Variants in CEP120 observed in about 807,000 individuals in gnomAD.
The protein encoded by CEP120 is centrosomal protein of 120 kDa.
Under a neutral mutation model 126.5 loss-of-function variants are expected in CEP120, and 113 were observed. The ratio of observed to expected loss-of-function variants is 0.89; its 90% CI spans 0.77 to 1.04. The LOEUF (loss-of-function observed/expected upper bound fraction) is 1.04, where lower values mean the gene tolerates loss of function less well. Among genes scored for constraint, CEP120 ranks in the 50% least tolerant of loss-of-function variants. The pLI is 0.00. For synonymous variants in CEP120, 400 were observed against 394.3 expected (o/e 1.01, Z -0.17); for missense variants, 1,230 against 1,155.7 (o/e 1.06, Z -0.93).
chr5:123,379,767 C>T (rs1214753275), intron 14 of CEP120, among the ~76,000 whole-genome samples: 1 of 152,082 alleles, frequency 6.6e-6, no homozygotes, highest in Non-Finnish European at 1.5e-5. Flanking sequence ...CAACATCAAA[C>T]TACATATAAT....
chr5:123,346,330 T>TA lies in CEP120; in HGVS notation c.*188dup, dbSNP rs1768812564. ...TGAGTATATAAATGCAAATTACAAA[T>TA]AAAACCAGTGTGGGAGAGGTAGCAT... On this transcript the variant is annotated 3_prime_UTR_variant, in exon 20 of 20. Transcript: ENST00000306467. 6.6e-6 allele frequency: 3 copies of TA among 456,780 alleles called. No individual in the cohort carries two copies. The highest frequency in any genetic ancestry group is 1.1e-5 in the Non-Finnish European group (3 of 261,360). The allele number at this position is 456,780 out of a possible 1,614,324, so 28.3% of individuals were successfully genotyped here.
chr5:123,364,848 T>A (rs1024896290), intron 17 of CEP120, among the ~76,000 whole-genome samples: 1 of 151,646 alleles, frequency 6.6e-6, no homozygotes, highest in Non-Finnish European at 1.5e-5. Context: ...CTCCAGACAG[T>A]TACTATAAAT....
chr5:123,345,796 G>T lies in CEP120; in HGVS notation c.*723C>A, dbSNP rs1262107834. The stretch of plus-strand genomic sequence containing the variant: ...TATTACTATAACTGGAAAATAAAAA[G>T]AAATCTCTAATTTTAACAAAAGAAA... On this transcript the variant is annotated 3_prime_UTR_variant, in exon 20 of 20. Transcript: ENST00000306467. The T allele has an allele frequency of 6.6e-6, 1 of 152,026 alleles. No homozygotes were observed. The highest frequency in any genetic ancestry group is 1.5e-5 in the Non-Finnish European group (1 of 67,990). 9.4% of individuals were successfully genotyped at this position (152,026 alleles called of 1,614,324 possible).
At chr5:123,370,762 T>C (rs112580484) in intron 17 of CEP120, among the ~76,000 whole-genome samples, 1 of 147,960 alleles carries the variant, frequency 6.8e-6, no homozygotes, top group Non-Finnish European at 1.5e-5. Context: ...ATATATTTTA[T>C]ATATATATTA....
At chr5:123,369,952 C>T (rs1205598903) in intron 17 of CEP120, among the ~76,000 whole-genome samples, 5 of 151,984 alleles carry the variant, frequency 3.3e-5, no homozygotes, top group Non-Finnish European at 1.5e-5. Context: ...TTAGCAGCAA[C>T]TTAACATCTC....
At position 123,382,751 on chromosome 5, in the gene CEP120, T is replaced by C. The variant is rs994943114; in HGVS notation, c.1999A>G (p.Ile667Val). 3.7e-6 allele frequency: 6 copies of C among 1,611,904 alleles called. No homozygotes were observed. The South Asian group carries it at 5.5e-5, about 15-fold the overall frequency. ...LEMWKEMQED[I>V]FENQLKQKEL... Reference sequence around the variant, plus strand: ...TAAAAAGTAACCTGATTTTCAAATATATCTTCTTGCATCTCCTTCCACATT... The same window carrying C: ...TAAAAAGTAACCTGATTTTCAAATACATCTTCTTGCATCTCCTTCCACATT... Residue 667 changes from isoleucine to valine, a missense_variant, in exon 13 of 20, where the codon ATA (isoleucine) becomes GTA (valine). Physicochemically the swap from Ile to Val is conservative, Grantham distance 29. Transcript: ENST00000306467.
At chr5:123,373,038 C>G (rs1770958362) in intron 16 of CEP120, among the ~76,000 whole-genome samples, 1 of 152,044 alleles carries the variant, frequency 6.6e-6, no homozygotes, top group Non-Finnish European at 1.5e-5. Flanking sequence ...ACTCAAATGT[C>G]AAATGTAAAA....
chr5:123,362,384 C>A (rs920159608), intron 18 of CEP120, among the ~76,000 whole-genome samples: 1 of 151,642 alleles, frequency 6.6e-6, no homozygotes, highest in Admixed American at 6.6e-5. Flanking sequence ...AGGGAAAGAG[C>A]CTGAGGCTGG....
chr5:123,382,678 A>C, intron 13 of CEP120, 59 bp downstream of exon 13: 1 of 1,492,954 alleles, frequency 6.7e-7, no homozygotes, highest in South Asian at 1.3e-5. Context: ...TGCTACGGAG[A>C]AGGAAAAATA....
chr5:123,422,891 C>T (rs1188045745), intron 1 of CEP120, 59 bp downstream of exon 1: 5 of 1,494,854 alleles, frequency 3.3e-6, no homozygotes, highest in Admixed American at 1.7e-5. Context: ...CTCGGTCCCA[C>T]ACTAAGCTTT....
chr5:123,415,582 C>T (rs1291084781), intron 3 of CEP120, among the ~76,000 whole-genome samples: 1 of 152,162 alleles, frequency 6.6e-6, no homozygotes, highest in African/African-American at 2.4e-5. Flanking sequence ...AACATAAGAA[C>T]TGCCATATTG....
chr5:123,347,793 T>C lies in CEP120; in HGVS notation c.2727-1040A>G, dbSNP rs575228424. On this transcript the variant is annotated intron_variant, in intron 19 of 19. Transcript: ENST00000306467. ...CTCGAGTAGCTGGGACTATAGGCCA[T>C]GCCACCACACCCGGCTAAATTTTGT... Among the ~76,000 whole-genome samples, 379 of 152,206 alleles carry C rather than the reference T, an allele frequency of 2.5e-3. 4 individuals carry two copies. The highest frequency in any genetic ancestry group is 8.7e-3 in the African/African-American group (362 of 41,560).
chr5:123,415,246 AGC>A (rs1385948888), intron 3 of CEP120, among the ~76,000 whole-genome samples: 27 of 152,184 alleles, frequency 1.8e-4, no homozygotes. Flanking sequence ...AGCAGTGAAA[AGC>A]AGAATAGCAG....
chr5:123,364,458 G>A, intron 18 of CEP120, 38 bp downstream of exon 18: 1 of 1,391,124 alleles, frequency 7.2e-7, no homozygotes, highest in Non-Finnish European at 1.0e-6. Context: ...AGAAACAAGG[G>A]AAAAAGATAT....
chr5:123,386,695 A>C, intron 9 of CEP120, 28 bp from the exon 10 acceptor site: 1 of 1,400,826 alleles, frequency 7.1e-7, no homozygotes, highest in Non-Finnish European at 9.4e-7. Context: ...AAAAAAAAAA[A>C]AAAGCCTTAA....
At chr5:123,348,293 C>A (rs2126961362) in intron 19 of CEP120, among the ~76,000 whole-genome samples, 1 of 152,298 alleles carries the variant, frequency 6.6e-6, no homozygotes, top group South Asian at 2.1e-4. Flanking sequence ...ATATGATCTA[C>A]AAATTTGATA....
intron 3 of CEP120, among the ~76,000 whole-genome samples, chr5:123,415,145 G>A (rs1327194458): frequency 1.3e-5 from 2 of 152,216 alleles, no homozygotes; most frequent in African/African-American, 2.4e-5. Flanking sequence ...CACTTGCTCT[G>A]ACTGCTATGC....
At chr5:123,364,421 G>C (rs949264884) in intron 18 of CEP120, 75 bp downstream of exon 18, 1 of 880,346 alleles carries the variant, frequency 1.1e-6, no homozygotes, top group African/African-American at 1.7e-5. Context: ...GAGCATAACA[G>C]ATATTGCCAA....
intron 18 of CEP120, among the ~76,000 whole-genome samples, chr5:123,355,836 A>T (rs1177421433): frequency 1.3e-5 from 2 of 150,648 alleles, no homozygotes; most frequent in Admixed American, 1.3e-4. Flanking sequence ...GGTGTTTTAG[A>T]CATGAAGTCC....
Sources: gnomAD v4.1 joint callset for allele counts (sites outside exome capture counted in the v4.1 genomes callset) on GRCh38, gnomAD v4.1.1 for gene constraint, MANE v1.5 for transcripts, NCBI Gene and HGNC (gene_info 2026-07-23, HGNC 2026-07-21) for gene names.